TOP6BL: variants seen among roughly 807,000 people sequenced by gnomAD.
TOP6BL encodes type 2 DNA topoisomerase 6 subunit B-like.
At chr11:66,814,088 T>A in the TOP6BL span, 1 of 1,374,324 alleles carries the variant, frequency 7.3e-7, no homozygotes, top group Non-Finnish European at 1.0e-6. Context: ...GAAATATGAA[T>A]AGAACGTGTG....
the TOP6BL span, among the ~76,000 whole-genome samples, chr11:66,812,991 G>T: frequency 6.6e-6 from 1 of 152,136 alleles, no homozygotes; most frequent in African/African-American, 2.4e-5. Context: ...AGTGGGAATG[G>T]GAAGTTCAGA....
chr11:66,822,052 A>G, the TOP6BL span, among the ~76,000 whole-genome samples: 1 of 152,340 alleles, frequency 6.6e-6, no homozygotes, highest in Admixed American at 6.5e-5. Context: ...CCTTATGCAT[A>G]TAATTCCCCT....
At chr11:66,795,721 T>G in the TOP6BL span, among the ~76,000 whole-genome samples, 1 of 150,822 alleles carries the variant, frequency 6.6e-6, no homozygotes, top group African/African-American at 2.4e-5. Context: ...TTTTCAAGAG[T>G]ATTTAAGTAA....
the TOP6BL span, among the ~76,000 whole-genome samples, chr11:66,746,902 A>AAATAT: frequency 6.6e-6 from 1 of 151,828 alleles, no homozygotes; most frequent in Non-Finnish European, 1.5e-5. Flanking sequence ...AAAATAAATG[A>AAATAT]AATATATTTT....
chr11:66,791,122 G>GA, the TOP6BL span, among the ~76,000 whole-genome samples: 1 of 152,168 alleles, frequency 6.6e-6, no homozygotes, highest in Non-Finnish European at 1.5e-5. Context: ...TGAGGAGAAA[G>GA]GTTAAGTAGC....
At chr11:66,779,722 C>T in the TOP6BL span, among the ~76,000 whole-genome samples, 1 of 152,114 alleles carries the variant, frequency 6.6e-6, no homozygotes, top group Non-Finnish European at 1.5e-5. Flanking sequence ...TGTATGTTTA[C>T]TGCGGCACTA....
At chr11:66,815,885 T>C in the TOP6BL span, 12 of 573,266 alleles carry the variant, frequency 2.1e-5, no homozygotes, top group Non-Finnish European at 3.5e-5. Context: ...CATTATGATT[T>C]GCTTCCATCA....
the TOP6BL span, chr11:66,842,911 C>T: frequency 6.4e-7 from 1 of 1,568,048 alleles, no homozygotes; most frequent in African/African-American, 1.4e-5. Context: ...AGAGGAGATG[C>T]GAGCTCTGCG....
the TOP6BL span, among the ~76,000 whole-genome samples, chr11:66,822,128 C>G: frequency 2.6e-5 from 4 of 152,202 alleles, no homozygotes; most frequent in Non-Finnish European, 4.4e-5. Flanking sequence ...TTTCCTAATT[C>G]TTTACACCAC....
At chr11:66,751,631 T>C in the TOP6BL span, among the ~76,000 whole-genome samples, 3 of 151,990 alleles carry the variant, frequency 2.0e-5, no homozygotes, top group Admixed American at 2.0e-4. Flanking sequence ...GCCATTGTGC[T>C]CAGCCCTAAA....
the TOP6BL span, among the ~76,000 whole-genome samples, chr11:66,774,985 C>T: frequency 1.3e-5 from 2 of 151,358 alleles, no homozygotes; most frequent in East Asian, 2.0e-4. Context: ...TGGTGGCGGG[C>T]GCCTGTAGTC....
At chr11:66,803,197 C>T in the TOP6BL span, among the ~76,000 whole-genome samples, 1 of 152,150 alleles carries the variant, frequency 6.6e-6, no homozygotes, top group African/African-American at 2.4e-5. Context: ...ATTTGTGATT[C>T]ATGGGCCCCC....
the TOP6BL span, among the ~76,000 whole-genome samples, chr11:66,765,564 G>A: frequency 6.6e-6 from 1 of 152,158 alleles, no homozygotes; most frequent in African/African-American, 2.4e-5. Context: ...CACCCAGGCT[G>A]GAGTGCAGTG....
the TOP6BL span, among the ~76,000 whole-genome samples, chr11:66,810,269 G>A: frequency 6.6e-6 from 1 of 152,126 alleles, no homozygotes; most frequent in South Asian, 2.1e-4. Flanking sequence ...AATCTTTTAG[G>A]TAGAAGAAAA....
the TOP6BL span, among the ~76,000 whole-genome samples, chr11:66,782,519 C>A: frequency 6.6e-6 from 1 of 152,148 alleles, no homozygotes; most frequent in Admixed American, 6.6e-5. Flanking sequence ...AAAATCTATT[C>A]TCTGCCTCCT....
At chr11:66,749,408 A>G in the TOP6BL span, among the ~76,000 whole-genome samples, 9 of 152,142 alleles carry the variant, frequency 5.9e-5, no homozygotes, top group East Asian at 1.2e-3. Flanking sequence ...CCAGGGTAGC[A>G]AGGTTGATTT....
At chr11:66,831,110 A>G in the TOP6BL span, among the ~76,000 whole-genome samples, 1 of 152,372 alleles carries the variant, frequency 6.6e-6, no homozygotes, top group Admixed American at 6.5e-5. Flanking sequence ...TGACTATACC[A>G]CATGTTAACA....
chr11:66,800,946 T>C, the TOP6BL span: 4 of 1,407,408 alleles, frequency 2.8e-6, no homozygotes, highest in Non-Finnish European at 4.0e-6. Context: ...GCTGGGGTGG[T>C]AGTAGTCATG....
the TOP6BL span, chr11:66,828,636 C>T: frequency 1.1e-4 from 36 of 337,586 alleles, 2 homozygotes; most frequent in East Asian, 2.7e-4. Context: ...ATTCAGTCCC[C>T]GTTACTCCAT....
Sources: gnomAD v4.1 joint callset for allele counts (sites outside exome capture counted in the v4.1 genomes callset) on GRCh38, gnomAD v4.1.1 for gene constraint, MANE v1.5 for transcripts, NCBI Gene and HGNC (gene_info 2026-07-23, HGNC 2026-07-21) for gene names.